Variants in IL9R observed in about 807,000 individuals in gnomAD.
IL9R encodes the protein interleukin-9 receptor.
Under a neutral mutation model 56.3 loss-of-function variants are expected in IL9R, and 54 were observed. The observed-to-expected ratio is 0.96, with a 90% CI of 0.77 to 1.20. The LOEUF (loss-of-function observed/expected upper bound fraction) is 1.20, where lower values mean the gene tolerates loss of function less well. Among genes scored for constraint, IL9R ranks in the 50% most tolerant of loss-of-function variants. The pLI, the probability that IL9R is intolerant of heterozygous loss-of-function variation, is 0.00. For synonymous variants in IL9R, 212 were observed against 250.2 expected, an observed-to-expected ratio of 0.85 and a Z score of 1.44; for missense variants, 545 against 629.8, an observed-to-expected ratio of 0.87 and a Z score of 1.44.
Position 156,003,830 on chromosome X carries a change from C to T in IL9R, c.408C>T (p.Asp136=), listed in dbSNP as rs759185252. 7 of 1,613,938 alleles carry T rather than the reference C, an allele frequency of 4.3e-6. No homozygotes were observed. The highest frequency in any genetic ancestry group is 5.9e-6 in the Non-Finnish European group (7 of 1,179,832). Reference sequence around the variant, plus strand: ...GGAGGGAGCAGGTCAGCCTGGTGGACCCGGAGTACCTGCCCCGGAGACACG... The same window carrying T: ...GGAGGGAGCAGGTCAGCCTGGTGGATCCGGAGTACCTGCCCCGGAGACACG... The part of the protein sequence containing the change: ...MSGREQVSLV[D]PEYLPRRHVK... The change falls in exon 4 of 9, where the codon GAC becomes GAT. Residue 136 remains aspartate (D), a synonymous_variant. Transcript: ENST00000244174.
Position 156,008,897 on chromosome X carries a change from G to T in IL9R, c.973-919G>T, listed in dbSNP as rs2068188724. Among the ~76,000 whole-genome samples the T allele has an allele frequency of 5.3e-5, 8 of 152,110 alleles. No individual in the cohort carries two copies. The South Asian group carries it at 1.7e-3, about 32-fold the overall frequency. On this transcript the variant is annotated intron_variant, in intron 8 of 8. Transcript: ENST00000244174. ...TGTGTGTGTGTGTGTGTGTTTATGT[G>T]TCTGTGTGTGTTCGTGTGTGTGTCT...
At chrX:156,009,361 GTGTC>G (rs1468493480) in intron 8 of IL9R, among the ~76,000 whole-genome samples, 16 of 151,372 alleles carry the variant, frequency 1.1e-4, no homozygotes, top group Non-Finnish European at 2.2e-4. Flanking sequence ...TCGTGTGTGT[GTGTC>G]TGTGTGTATC....
At position 156,003,820 on chromosome X, in the gene IL9R, G is replaced by A. The variant is rs1330939354; in HGVS notation, c.398G>A (p.Ser133Asn). ...TGCATGTCTGGGAGGGAGCAGGTCA[G>A]CCTGGTGGACCCGGAGTACCTGCCC... ...HHCMSGREQV[S>N]LVDPEYLPRR... is the part of the protein sequence containing the mutation. Residue 133 changes from serine to asparagine, a missense_variant, in exon 4 of 9, where the codon AGC becomes AAC. Physicochemically the swap from Ser to Asn is conservative, Grantham distance 46. Around this residue, in one of 2 missense-constraint regions of IL9R, gnomAD observed 431 missense variants for 360.0 expected, o/e 1.20. Coordinates refer to ENST00000244174, the MANE Select transcript of IL9R (RefSeq NM_002186.3). The A allele has an allele frequency of 5.0e-6, 8 of 1,613,940 alleles. No homozygotes were observed. The highest frequency in any genetic ancestry group is 6.8e-6 in the Non-Finnish European group (8 of 1,179,824).
intron 7 of IL9R, among the ~76,000 whole-genome samples, chrX:156,007,304 C>T (rs62608350): frequency 0.07 from 10,236 of 146,734 alleles, 617 homozygotes; most frequent in Middle Eastern, 0.084. Context: ...CTGTAAAGGA[C>T]GCGCGCCTCA....
At chrX:155,998,190 T>C (rs2067266376) in intron 1 of IL9R, among the ~76,000 whole-genome samples, 1 of 152,006 alleles carries the variant, frequency 6.6e-6, no homozygotes, top group African/African-American at 2.4e-5. Flanking sequence ...AGCTGAGGTC[T>C]AGGCCCAGGG....
intron 8 of IL9R, among the ~76,000 whole-genome samples, chrX:156,008,975 CTGTGTGTGTTTAAGTCTGTGTGTGTTTG>C (rs2068207607): frequency 3.5e-5 from 4 of 113,042 alleles, no homozygotes; most frequent in Admixed American, 2.8e-4. Flanking sequence ...GTGTGTGTGT[CTGTGTGTGTTTAAGTCTGTGTGTGTTTG>C]TGTGTGTGTG....
At chrX:155,997,843 C>T in intron 1 of IL9R, 56 bp downstream of exon 1, 1 of 1,521,182 alleles carries the variant, frequency 6.6e-7, no homozygotes, top group South Asian at 1.1e-5. Context: ...ATTCAGAAGG[C>T]AGAGAGGGAC....
intron 7 of IL9R, among the ~76,000 whole-genome samples, chrX:156,006,842 T>C (rs2068000738): frequency 1.3e-5 from 2 of 149,974 alleles, no homozygotes; most frequent in South Asian, 2.1e-4. Context: ...GAGGAATAGA[T>C]TGCTGGGACA....
In IL9R at chrX:156,004,492, G is replaced by C. The variant is rs1282926334; in HGVS notation, c.506G>C (p.Ser169Thr). The C allele has an allele frequency of 1.9e-6, 3 of 1,613,672 alleles. No homozygotes were observed. The highest frequency in any genetic ancestry group is 2.7e-5 in the African/African-American group (2 of 74,914). ...CACTGCATCCTGACCTGGAGCATCAGTCCTGCCTTGGAGCCAATGACCACA... is the reference window on the plus strand; with the variant it reads ...CACTGCATCCTGACCTGGAGCATCACTCCTGCCTTGGAGCCAATGACCACA... ...SGHCILTWSI[S>T]PALEPMTTLL... The change falls in exon 5 of 9, where the codon AGT (serine) becomes ACT (threonine). Residue 169 changes from serine (S) to threonine (T), a missense_variant. Coordinates refer to ENST00000244174, the MANE Select transcript of IL9R (RefSeq NM_002186.3).
In IL9R at chrX:156,004,445, G is replaced by T; in HGVS notation, c.459G>T (p.Leu153Phe). The T allele has an allele frequency of 6.2e-7, 1 of 1,613,906 alleles. No homozygotes were observed. Among genetic ancestry groups the T allele is most frequent in the Non-Finnish European group, 8.5e-7 (1 of 1,179,844 alleles). The change falls in exon 5 of 9, where the codon TTG (leucine) becomes TTT (phenylalanine). Residue 153 changes from leucine to phenylalanine, a missense_variant. Leu to Phe is a conservative substitution (Grantham distance 22, BLOSUM62 0). Transcript: ENST00000244174. The part of the protein sequence containing the change: ...RHVKLDPPSD[L>F]QSNISSGHCI... ...TTAAGCTGGACCCGCCCTCTGACTTGCAGAGCAACATCAGTTCTGGCCACT... is the reference window on the plus strand; with the variant it reads ...TTAAGCTGGACCCGCCCTCTGACTTTCAGAGCAACATCAGTTCTGGCCACT...
rs779277056 is a variant in IL9R, at chrX:156,002,870, T to A, written c.29-36T>A. 31 of 1,612,974 alleles carry A rather than the reference T, an allele frequency of 1.9e-5. No individual in the cohort carries two copies. The African/African-American group carries it at 3.6e-4, about 19-fold the overall frequency. ...TGGGGAGCACCCCTCCAGAGAGGGA[T>A]GATTTGCACAGGGCCCTCAGCCCAG... On this transcript the variant is annotated intron_variant, in intron 1 of 8. Coordinates refer to ENST00000244174, the MANE Select transcript of IL9R (RefSeq NM_002186.3).
intron 1 of IL9R, among the ~76,000 whole-genome samples, 167 bp downstream of exon 1, chrX:155,997,954 A>G (rs375834863): frequency 2.6e-5 from 4 of 152,092 alleles, no homozygotes; most frequent in African/African-American, 9.7e-5. Context: ...TATCTCTTAG[A>G]GATGGCAAAA....
chrX:155,998,562 G>A (rs959186257), intron 1 of IL9R, among the ~76,000 whole-genome samples: 10 of 151,932 alleles, frequency 6.6e-5, no homozygotes, highest in Non-Finnish European at 1.0e-4. Flanking sequence ...CAGGGCAGGC[G>A]TTTTAATTAT....
downstream of IL9R, among the ~76,000 whole-genome samples, chrX:156,011,635 C>T (rs1282567344): frequency 6.1e-5 from 6 of 98,668 alleles, 1 homozygote; most frequent in African/African-American, 2.7e-4. Flanking sequence ...GGCAGATAAG[C>T]CCCTCCCTGG....
intron 7 of IL9R, 101 bp from the exon 8 acceptor site, chrX:156,007,422 G>T: frequency 2.5e-6 from 2 of 805,868 alleles, no homozygotes; most frequent in South Asian, 2.8e-5. Context: ...GCAGGGACGA[G>T]GTGGGCGGAC....
intron 1 of IL9R, 57 bp downstream of exon 1, chrX:155,997,844 A>G: frequency 6.6e-7 from 1 of 1,525,674 alleles, no homozygotes; most frequent in Non-Finnish European, 9.1e-7. Context: ...TTCAGAAGGC[A>G]GAGAGGGACA....
chrX:156,001,695 T>C (rs968087608), intron 1 of IL9R, among the ~76,000 whole-genome samples: 5 of 151,992 alleles, frequency 3.3e-5, no homozygotes, highest in Non-Finnish European at 7.4e-5. Context: ...CAGTCTTGTA[T>C]AACCAGGCTG....
intron 1 of IL9R, chrX:156,001,554 G>A (rs760208230): frequency 7.7e-7 from 1 of 1,300,758 alleles, no homozygotes; most frequent in East Asian, 2.3e-5. Context: ...TGTCCTATGG[G>A]TACCTGTATA....
chrX:156,005,933 T>C, intron 6 of IL9R, 150 bp from the exon 7 acceptor site: 5 of 617,970 alleles, frequency 8.1e-6, no homozygotes, highest in Admixed American at 2.9e-5. Context: ...CATCACAAGG[T>C]CCTTCAGCAG....
Sources: gnomAD v4.1 joint callset for allele counts (sites outside exome capture counted in the v4.1 genomes callset) on GRCh38, gnomAD v4.1.1 for gene constraint, gnomAD v4.1.1 regional missense constraint, MANE v1.5 for transcripts, NCBI Gene and HGNC (gene_info 2026-07-23, HGNC 2026-07-21) for gene names.